The following SEPTIN9 variants were observed in gnomAD, a reference collection of about 807,000 sequenced individuals.
SEPTIN9 encodes the protein septin 9, also known as septin-9.
In SEPTIN9, 13 loss-of-function variants were observed where a neutral mutation model predicts 56.6. The ratio of observed to expected loss-of-function variants is 0.23; its 90% CI spans 0.15 to 0.37. The LOEUF is 0.37. Ranked by LOEUF, SEPTIN9 falls within the 10% of genes least tolerant of loss-of-function variation. SEPTIN9 has a pLI of 1.00. For missense variants in SEPTIN9, 650 were observed against 823.1 expected (o/e 0.79, Z 2.57); for synonymous variants, 332 against 334.1 (o/e 0.99, Z 0.07).
At chr17:77,479,303 G>A (rs1248957160) in intron 3 of SEPTIN9, among the ~76,000 whole-genome samples, 1 of 152,210 alleles carries the variant, frequency 6.6e-6, no homozygotes, top group Non-Finnish European at 1.5e-5. Flanking sequence ...GGTGTCCTGG[G>A]GCCAGGATGA....
At chr17:77,295,744 A>G (rs2031781526) in intron 1 of SEPTIN9, among the ~76,000 whole-genome samples, 2 of 150,296 alleles carry the variant, frequency 1.3e-5, no homozygotes, top group African/African-American at 4.9e-5. Flanking sequence ...CCCTGCTGTT[A>G]GACAGGAAGA....
At chr17:77,331,728 G>A (rs2033369542) in intron 2 of SEPTIN9, among the ~76,000 whole-genome samples, 1 of 152,142 alleles carries the variant, frequency 6.6e-6, no homozygotes, top group Admixed American at 6.6e-5. Flanking sequence ...TGCAGAGAAT[G>A]CACCGGAGGG....
At chr17:77,352,711 C>G (rs2034105452) in intron 2 of SEPTIN9, among the ~76,000 whole-genome samples, 3 of 152,158 alleles carry the variant, frequency 2.0e-5, no homozygotes, top group Non-Finnish European at 4.4e-5. Context: ...GTCCTCCAGG[C>G]TGGAGTGCAG....
intron 2 of SEPTIN9, chr17:77,320,340 G>C: frequency 6.2e-7 from 1 of 1,613,092 alleles, no homozygotes; most frequent in Non-Finnish European, 8.5e-7. Context: ...GAGAGGGACC[G>C]GATCTCAGGT....
Position 77,389,915 on chromosome 17 carries a change from A to G in SEPTIN9, c.77-12144A>G, listed in dbSNP as rs574625935. On this transcript the variant is annotated intron_variant, in intron 2 of 11. Transcript: ENST00000427177. This position sits in a 1 kb window ranked among gnomAD's most constrained non-coding sequence, Gnocchi z 4.3. ...GTGTGCCAGAGGTGCTCCCATTCCC[A>G]TAGCTGATTTAGTAAAGAAAAGAGG... Among the ~76,000 whole-genome samples, 3 of 152,162 alleles carry G rather than the reference A, an allele frequency of 2.0e-5. No individual in the cohort carries two copies. The highest frequency in any genetic ancestry group is 4.2e-4 in the South Asian group (2 of 4,816).
rs565852623 is a variant in SEPTIN9, at chr17:77,447,381, T to C, written c.722-34763T>C. ...GCATCGCCTCCTAGCTTCAGGACCC[T>C]CCACCAAAAAACATTCCAAGCTTCA... On this transcript the variant is annotated intron_variant, in intron 3 of 11. Coordinates refer to ENST00000427177, the MANE Select transcript of SEPTIN9 (RefSeq NM_001113491.2). Among the ~76,000 whole-genome samples, 3 of 152,206 alleles carry C rather than the reference T, an allele frequency of 2.0e-5. No individual in the cohort carries two copies. The South Asian group carries it at 6.2e-4, about 32-fold the overall frequency.
chr17:77,398,917 A>C (rs1432310826), intron 2 of SEPTIN9, among the ~76,000 whole-genome samples: 1 of 152,166 alleles, frequency 6.6e-6, no homozygotes, highest in Non-Finnish European at 1.5e-5. Context: ...CAGTAAGCAC[A>C]GAGGCCAGCT....
chr17:77,291,609 G>T (rs1456101285), intron 1 of SEPTIN9, among the ~76,000 whole-genome samples: 3 of 152,070 alleles, frequency 2.0e-5, no homozygotes, highest in Admixed American at 6.5e-5. Flanking sequence ...TCCAGCCTGG[G>T]CAAAGAGAGT....
At chr17:77,366,039 C>T (rs1427694063) in intron 2 of SEPTIN9, among the ~76,000 whole-genome samples, 1 of 152,052 alleles carries the variant, frequency 6.6e-6, no homozygotes, top group Non-Finnish European at 1.5e-5. Context: ...CCAGGGACAG[C>T]CTGTTTCTCC....
chr17:77,487,682 T>G lies in SEPTIN9; in HGVS notation c.1042+130T>G. 1 of 634,948 alleles carries G rather than the reference T, an allele frequency of 1.6e-6. No individual in the cohort carries two copies. The highest frequency in any genetic ancestry group is 2.3e-6 in the Non-Finnish European group (1 of 438,390). 39.3% of individuals were successfully genotyped at this position (634,948 alleles called of 1,614,324 possible). ...CTGGGGGTGCAGGACTCCTCTGCCTTCCTGGAGCACAGAGTGGGGGGTCAA... is the reference window on the plus strand; with the variant it reads ...CTGGGGGTGCAGGACTCCTCTGCCTGCCTGGAGCACAGAGTGGGGGGTCAA... On this transcript the variant is annotated intron_variant, in intron 5 of 11. Transcript: ENST00000427177. The surrounding 1 kb of genome is among the most constrained non-coding windows in gnomAD (Gnocchi z 4.3).
chr17:77,423,797 A>G (rs1005218361), intron 3 of SEPTIN9, among the ~76,000 whole-genome samples: 1 of 152,228 alleles, frequency 6.6e-6, no homozygotes, highest in Non-Finnish European at 1.5e-5. Context: ...TGAGTAAGAA[A>G]GTGGCAGGAG....
intron 2 of SEPTIN9, among the ~76,000 whole-genome samples, chr17:77,355,899 G>A (rs140462101): frequency 0.24 from 34,829 of 147,806 alleles, 4,144 homozygotes; most frequent in South Asian, 0.33. Flanking sequence ...GGAGAATGGC[G>A]TGAACCCAGG....
intron 11 of SEPTIN9, 115 bp downstream of exon 11, chr17:77,497,481 C>T (rs2040320051): frequency 2.2e-6 from 2 of 908,790 alleles, no homozygotes; most frequent in South Asian, 1.4e-5. Context: ...TGCCCCCTGC[C>T]ACCTGCCTGC....
Position 77,402,845 on chromosome 17 carries a change from G to A in SEPTIN9, c.721+142G>A, listed in dbSNP as rs938351875. 18 of 810,006 alleles carry A rather than the reference G, an allele frequency of 2.2e-5. No homozygotes were observed. Among genetic ancestry groups the A allele is most frequent in the Non-Finnish European group, 3.2e-5 (17 of 532,948 alleles). 50.2% of individuals were successfully genotyped at this position (810,006 alleles called of 1,614,324 possible). A position where few individuals can be genotyped will look rare whatever the true frequency, so the allele number is the denominator to read the frequency against. On this transcript the variant is annotated intron_variant, in intron 3 of 11. Coordinates refer to ENST00000427177, the MANE Select transcript of SEPTIN9 (RefSeq NM_001113491.2). This position sits in a 1 kb window ranked among gnomAD's most constrained non-coding sequence, Gnocchi z 6.6. Reference sequence around the variant, plus strand: ...GACCCAGAAAGACCGGAATGCATGGGGGTGGGGGTCTGCAAGCTCAGGAGA... The same window carrying A: ...GACCCAGAAAGACCGGAATGCATGGAGGTGGGGGTCTGCAAGCTCAGGAGA...
intron 3 of SEPTIN9, among the ~76,000 whole-genome samples, chr17:77,443,032 G>A (rs2037607799): frequency 6.6e-6 from 1 of 152,072 alleles, no homozygotes; most frequent in Non-Finnish European, 1.5e-5. Flanking sequence ...CCAGGGAAGA[G>A]TCAGTTGCTC....
chr17:77,337,041 G>A (rs1361137318), intron 2 of SEPTIN9, among the ~76,000 whole-genome samples: 1 of 132,284 alleles, frequency 7.6e-6, no homozygotes. Context: ...TCTCACTCTT[G>A]CCCAGGCTGT....
rs1821697 is a variant in SEPTIN9 at position 77,405,481 on chromosome 17, C to T, written c.721+2778C>T. Among the ~76,000 whole-genome samples, 2,151 of 152,298 alleles carry T rather than the reference C, an allele frequency of 0.014. 106 individuals carry two copies. In the East Asian group the frequency reaches 0.17, roughly 12 times the overall value. The stretch of plus-strand genomic sequence containing the variant: ...TAGGATGTACACGTTGGAGCCGGGG[C>T]ATGGGAGAAAACCATCAGCATCCCA... On this transcript the variant is annotated intron_variant, in intron 3 of 11. Coordinates refer to ENST00000427177, the MANE Select transcript of SEPTIN9 (RefSeq NM_001113491.2). This position sits in a 1 kb window ranked among gnomAD's most constrained non-coding sequence, Gnocchi z 5.8.
Position 77,490,730 on chromosome 17 carries a change from C to A in SEPTIN9, c.1263-12C>A. 1 of 1,552,578 alleles carries A rather than the reference C, an allele frequency of 6.4e-7. No individual in the cohort carries two copies. Among genetic ancestry groups the A allele is most frequent in the East Asian group, 2.4e-5 (1 of 41,474 alleles). ...CCCCCAGATGAGCCTCACGCACATCCCTCTGCTTCAGCCTCAGGCCCCTGG... is the reference window on the plus strand; with the variant it reads ...CCCCCAGATGAGCCTCACGCACATCACTCTGCTTCAGCCTCAGGCCCCTGG... On this transcript the variant is annotated splice_polypyrimidine_tract_variant and intron_variant, in intron 7 of 11. Coordinates refer to ENST00000427177, the MANE Select transcript of SEPTIN9 (RefSeq NM_001113491.2).
At position 77,327,679 on chromosome 17, in the gene SEPTIN9, C is replaced by A. The variant is rs1036157922; in HGVS notation, c.76+20482C>A. Among the ~76,000 whole-genome samples, 12 of 152,190 alleles carry A rather than the reference C, an allele frequency of 7.9e-5. No individual in the cohort carries two copies. The highest frequency in any genetic ancestry group is 1.0e-4 in the Non-Finnish European group (7 of 68,034). ...ACAGAGAGTGGCGCAGATCTCAGCCCGGAGACTCCCTCTGCCTGTGGACGC... is the reference window on the plus strand; with the variant it reads ...ACAGAGAGTGGCGCAGATCTCAGCCAGGAGACTCCCTCTGCCTGTGGACGC... On this transcript the variant is annotated intron_variant, in intron 2 of 11. Transcript: ENST00000427177. This position sits in a 1 kb window ranked among gnomAD's most constrained non-coding sequence, Gnocchi z 5.0.
Sources: allele counts gnomAD v4.1 joint callset (sites outside exome capture counted in the v4.1 genomes callset), GRCh38; gene constraint gnomAD v4.1.1; non-coding constraint Gnocchi (gnomAD v3.1); transcripts MANE v1.5; gene names NCBI Gene and HGNC (gene_info 2026-07-23, HGNC 2026-07-21).